BNIP5: variants seen among roughly 807,000 people sequenced by gnomAD.
BNIP5 encodes the protein BCL2 interacting protein 5, also known as protein BNIP5.
A neutral mutation model predicts 67.3 loss-of-function variants in BNIP5; 61 were observed. The ratio of observed to expected loss-of-function variants is 0.91; its 90% CI spans 0.74 to 1.12. The LOEUF is 1.12. BNIP5 is among the 50% of genes most tolerant of loss of function. The pLI is 0.00. For missense variants in BNIP5, 826 were observed against 816.3 expected, an observed-to-expected ratio of 1.01 and a Z score of -0.14; for synonymous variants, 317 against 319.0, an observed-to-expected ratio of 0.99 and a Z score of 0.07.
At chr6:36,330,802 T>C in intron 1 of BNIP5, 108 bp from the exon 2 acceptor site, 1 of 1,399,336 alleles carries the variant, frequency 7.1e-7, no homozygotes, top group Non-Finnish European at 9.4e-7. Context: ...CTCGGTCTAT[T>C]GCCCAGGCTG....
chr6:36,320,328 C>A (rs1771606628), intron 10 of BNIP5, among the ~76,000 whole-genome samples: 1 of 152,184 alleles, frequency 6.6e-6, no homozygotes, highest in African/African-American at 2.4e-5. Flanking sequence ...CCACTCAGGG[C>A]ACCTTGGGAG....
rs1023635574 is a variant in BNIP5 at position 36,316,619 on chromosome 6, A to G, written c.*737T>C. ...TCCTGAAAACTACCCAAAAGAAGCT[A>G]TAGTGCCTACATGGACATGGCACTA... On this transcript the variant is annotated 3_prime_UTR_variant, in exon 12 of 12. Coordinates refer to ENST00000437635, the MANE Select transcript of BNIP5 (RefSeq NM_001010903.5). 2 of 398,608 alleles carry G rather than the reference A, an allele frequency of 5.0e-6. No homozygotes were observed. Among genetic ancestry groups the G allele is most frequent in the African/African-American group, 4.1e-5 (2 of 48,636 alleles). The allele number at this position is 398,608 out of a possible 1,614,324, so 24.7% of individuals were successfully genotyped here. A position where few individuals can be genotyped will look rare whatever the true frequency, so the allele number is the denominator to read the frequency against.
Position 36,330,430 on chromosome 6 carries a change from G to C in BNIP5, c.261C>G (p.Ser87Arg). The C allele has an allele frequency of 6.2e-7, 1 of 1,614,146 alleles. No individual in the cohort carries two copies. Residue 87 changes from serine (S) to arginine (R), a missense_variant, in exon 2 of 12, where the codon AGC becomes AGG. Ser to Arg is a moderately radical substitution (Grantham distance 110). Coordinates refer to ENST00000437635, the MANE Select transcript of BNIP5 (RefSeq NM_001010903.5). Reference protein sequence around the residue: ...TPEETGDFLPSEQRPSQDTKK... With the variant: ...TPEETGDFLPREQRPSQDTKK... The stretch of plus-strand genomic sequence containing the variant: ...TGGTGTCTTGCGAAGGCCTCTGCTC[G>C]CTGGGGAGAAAATCTCCGGTCTCCT...
rs538282080 is a variant in BNIP5, at chr6:36,324,165, G to A, written c.1194C>T (p.Ser398=). Residue 398 remains serine, a synonymous_variant, in exon 7 of 12, where the codon TCC becomes TCT. Coordinates refer to ENST00000437635, the MANE Select transcript of BNIP5 (RefSeq NM_001010903.5). ...GCTGTTCTTCTGCATCTTGGAGCATGGAAATGATCTTCTGAATGAATTCTT... is the reference window on the plus strand; with the variant it reads ...GCTGTTCTTCTGCATCTTGGAGCATAGAAATGATCTTCTGAATGAATTCTT... ...EYKEFIQKII[S]MLQDAEEQQG... The A allele has an allele frequency of 5.0e-6, 8 of 1,613,936 alleles. No homozygotes were observed. In the South Asian group the frequency reaches 6.6e-5, roughly 13 times the overall value.
At chr6:36,325,458 G>T in intron 5 of BNIP5, 44 bp from the exon 6 acceptor site, 4 of 1,573,428 alleles carry the variant, frequency 2.5e-6, no homozygotes, top group Non-Finnish European at 3.4e-6. Context: ...GTCTGTCTGG[G>T]GCTGTTAACT....
chr6:36,319,571 A>ACTC lies in BNIP5; in HGVS notation c.1705_1707dup (p.Glu569dup), dbSNP rs778475187. 22 of 1,613,688 alleles carry ACTC rather than the reference A, an allele frequency of 1.4e-5. No homozygotes were observed. Among genetic ancestry groups the ACTC allele is most frequent in the Non-Finnish European group, 1.9e-5 (22 of 1,179,680 alleles). On this transcript the variant is annotated inframe_insertion, in exon 11 of 12. Transcript: ENST00000437635. ...AGCTTGCTGAGGGAGGAGTCCGAGA[A>ACTC]CTCGTAAAAAAACCTCTTAAAGCTG...
intron 4 of BNIP5, 123 bp downstream of exon 4, chr6:36,326,907 G>T: frequency 1.5e-6 from 2 of 1,370,158 alleles, no homozygotes; most frequent in Non-Finnish European, 2.1e-6. Context: ...TTCTGAAGCT[G>T]CAGAAGGAGG....
intron 1 of BNIP5, among the ~76,000 whole-genome samples, chr6:36,334,917 C>T (rs1281562288): frequency 6.6e-6 from 1 of 152,200 alleles, no homozygotes; most frequent in Non-Finnish European, 1.5e-5. Context: ...CCTAAGTGAG[C>T]AGCGTGGTCT....
At chr6:36,320,767 C>G (rs1262272011) in intron 10 of BNIP5, among the ~76,000 whole-genome samples, 3 of 152,134 alleles carry the variant, frequency 2.0e-5, no homozygotes, top group African/African-American at 7.2e-5. Context: ...CGAGAGTGAA[C>G]CCGGAGACCA....
chr6:36,318,842 G>A (rs2127361792), intron 11 of BNIP5, among the ~76,000 whole-genome samples: 1 of 152,326 alleles, frequency 6.6e-6, no homozygotes, highest in South Asian at 2.1e-4. Flanking sequence ...GCAGGAGAGA[G>A]GCTGTTCATT....
chr6:36,320,577 G>A (rs569755460), intron 10 of BNIP5, among the ~76,000 whole-genome samples: 4 of 152,218 alleles, frequency 2.6e-5, no homozygotes, highest in East Asian at 1.9e-4. Flanking sequence ...CAGAGCGTCC[G>A]CTATGCTGAT....
At position 36,319,542 on chromosome 6, in the gene BNIP5, T is replaced by C. The variant is rs1223268748; in HGVS notation, c.1737A>G (p.Val579=). Residue 579 remains valine, a synonymous_variant, in exon 11 of 12, where the codon GTA becomes GTG. Transcript: ENST00000437635. ...GAGCCACCTGGCTGCGCAGGGTGGC[T>C]ACCAGCTTGCTGAGGGAGGAGTCCG... ...EFSDSSLSKL[V]ATLRSQVAHS... 6.2e-7 allele frequency: 1 copy of C among 1,614,124 alleles called. No homozygotes were observed. The highest frequency in any genetic ancestry group is 8.5e-7 in the Non-Finnish European group (1 of 1,179,984).
chr6:36,316,190 G>A lies in BNIP5; in HGVS notation c.*1166C>T, dbSNP rs146937714. ...AACACGGCAATACCATGTCCCCAAG[G>A]GTCACAAGATCTCACTTGCCATCCA... On this transcript the variant is annotated 3_prime_UTR_variant, in exon 12 of 12. Coordinates refer to ENST00000437635, the MANE Select transcript of BNIP5 (RefSeq NM_001010903.5). 65 of 241,958 alleles carry A rather than the reference G, an allele frequency of 2.7e-4. No homozygotes were observed. The highest frequency in any genetic ancestry group is 1.2e-3 in the Middle Eastern group (1 of 802). 15.0% of individuals were successfully genotyped at this position (241,958 alleles called of 1,614,324 possible).
chr6:36,321,923 C>A (rs964253217), intron 9 of BNIP5, among the ~76,000 whole-genome samples: 1 of 152,158 alleles, frequency 6.6e-6, no homozygotes, highest in Non-Finnish European at 1.5e-5. Flanking sequence ...TGAAATCAGC[C>A]AAAGTAAAAA....
intron 1 of BNIP5, among the ~76,000 whole-genome samples, chr6:36,331,568 CCCTCTCTCACAGGCTGT>C (rs1771907983): frequency 6.6e-6 from 1 of 152,194 alleles, no homozygotes; most frequent in African/African-American, 2.4e-5. Flanking sequence ...CTGAGCCCTG[CCCTCTCTCACAGGCTGT>C]CATGAATATT....
chr6:36,335,054 T>A (rs752957532), intron 1 of BNIP5, among the ~76,000 whole-genome samples: 26 of 152,150 alleles, frequency 1.7e-4, no homozygotes, highest in Non-Finnish European at 2.9e-4. Flanking sequence ...CTGCTTCTGA[T>A]AAGATGTGAC....
chr6:36,322,284 C>G, intron 9 of BNIP5, 27 bp downstream of exon 9: 1 of 1,613,560 alleles, frequency 6.2e-7, no homozygotes, highest in Non-Finnish European at 8.5e-7. Flanking sequence ...GGGAAGCTGT[C>G]CAGGTAAGAG....
chr6:36,328,255 C>T (rs1377397166), intron 3 of BNIP5, among the ~76,000 whole-genome samples: 2 of 152,154 alleles, frequency 1.3e-5, no homozygotes, highest in Non-Finnish European at 2.9e-5. Context: ...GTTGTGGCAG[C>T]GTGTAAACAA....
At chr6:36,333,425 G>T (rs1458853198) in intron 1 of BNIP5, among the ~76,000 whole-genome samples, 1 of 152,220 alleles carries the variant, frequency 6.6e-6, no homozygotes, top group African/African-American at 2.4e-5. Flanking sequence ...TTCCTGAAAG[G>T]CTCAGAGACT....
Sources: allele counts gnomAD v4.1 joint callset (sites outside exome capture counted in the v4.1 genomes callset), GRCh38; gene constraint gnomAD v4.1.1; transcripts MANE v1.5; gene names NCBI Gene and HGNC (gene_info 2026-07-23, HGNC 2026-07-21).